DPP6: variants seen among roughly 807,000 people sequenced by gnomAD.
The protein encoded by DPP6 is dipeptidyl peptidase like 6.
A neutral mutation model predicts 122.6 loss-of-function variants in DPP6; 69 were observed. The observed-to-expected ratio is 0.56, with a 90% CI of 0.46 to 0.69. The LOEUF (loss-of-function observed/expected upper bound fraction) is 0.69. DPP6 is among the 30% of genes least tolerant of loss of function. The pLI is 0.00. For synonymous variants in DPP6, 418 were observed against 433.1 expected (o/e 0.97, Z 0.43); for missense variants, 928 against 1,116.9 (o/e 0.83, Z 2.41).
intron 1 of DPP6, among the ~76,000 whole-genome samples, chr7:154,081,633 T>C (rs1804020034): frequency 6.7e-6 from 1 of 148,270 alleles, no homozygotes. Context: ...GTGGGATTCA[T>C]GTGGGTAGGA....
chr7:154,493,476 C>T (rs1162364087), intron 3 of DPP6, among the ~76,000 whole-genome samples: 1 of 150,152 alleles, frequency 6.7e-6, no homozygotes, highest in South Asian at 2.1e-4. Flanking sequence ...GGTGGCCCAT[C>T]GTTTTATTTG....
chr7:154,644,137 AC>A (rs1399762598), intron 6 of DPP6, among the ~76,000 whole-genome samples: 1 of 152,188 alleles, frequency 6.6e-6, no homozygotes, highest in Non-Finnish European at 1.5e-5. Context: ...GAACATAGCA[AC>A]CTTTTGGAGC....
the DPP6 span, among the ~76,000 whole-genome samples, chr7:153,839,772 T>A: frequency 6.6e-6 from 1 of 152,220 alleles, no homozygotes; most frequent in African/African-American, 2.4e-5. Context: ...GAGGACTCAC[T>A]GGAAAACAGC....
chr7:154,526,238 A>C (rs1425363451), intron 3 of DPP6, among the ~76,000 whole-genome samples: 3 of 152,218 alleles, frequency 2.0e-5, no homozygotes. Context: ...TTAAGATAAT[A>C]TCTTTAACAC....
rs549389753 is a variant in DPP6, at chr7:154,663,165, G to A, written c.681-6195G>A. ...CGCAGTCATGGTGAATCACCATGGC[G>A]TATTGGCGGTAGTGTTCATATAGTC... On this transcript the variant is annotated intron_variant, in intron 6 of 25. Coordinates refer to ENST00000377770, the MANE Select transcript of DPP6 (RefSeq NM_130797.4). Among the ~76,000 whole-genome samples, 148 of 74,010 alleles carry A rather than the reference G, an allele frequency of 2.0e-3. 33 individuals are homozygous for A. Among genetic ancestry groups the A allele is most frequent in the African/African-American group, 4.8e-3 (133 of 27,892 alleles). 48.6% of individuals were successfully genotyped at this position (74,010 alleles called of 152,430 possible).
intron 1 of DPP6, among the ~76,000 whole-genome samples, chr7:154,097,192 G>T (rs2907724): frequency 1.3e-5 from 2 of 151,180 alleles, no homozygotes; most frequent in Non-Finnish European, 3.0e-5. Flanking sequence ...CCAGCCAATT[G>T]CATATCCACA....
intron 2 of DPP6, among the ~76,000 whole-genome samples, chr7:154,451,528 G>A (rs1002110962): frequency 1.3e-5 from 2 of 152,168 alleles, no homozygotes; most frequent in African/African-American, 4.8e-5. Flanking sequence ...CGCACAGGGA[G>A]TGGCGGCAGG....
At chr7:154,730,385 C>T (rs1032096406) in intron 8 of DPP6, among the ~76,000 whole-genome samples, 3 of 152,112 alleles carry the variant, frequency 2.0e-5, no homozygotes, top group Non-Finnish European at 2.9e-5. Context: ...TCAACATGCT[C>T]ATGTGTACAT....
At chr7:153,824,501 A>G in the DPP6 span, among the ~76,000 whole-genome samples, 1 of 151,938 alleles carries the variant, frequency 6.6e-6, no homozygotes, top group Admixed American at 6.6e-5. Context: ...AGCATGGCCA[A>G]CGTGAGGAAA....
chr7:154,426,482 TAG>T (rs1817922449), intron 1 of DPP6, among the ~76,000 whole-genome samples: 1 of 152,188 alleles, frequency 6.6e-6, no homozygotes, highest in African/African-American at 2.4e-5. Context: ...AGTTCCGTAG[TAG>T]AGACAGACAC....
chr7:154,275,658 G>C (rs141689796), intron 1 of DPP6, among the ~76,000 whole-genome samples: 106 of 152,308 alleles, frequency 7.0e-4, no homozygotes, highest in African/African-American at 2.3e-3. Context: ...TCTGCACCAG[G>C]ATTGTCCCCT....
At chr7:153,983,320 G>A (rs144792841) in intron 1 of DPP6, among the ~76,000 whole-genome samples, 2 of 152,232 alleles carry the variant, frequency 1.3e-5, no homozygotes, top group Non-Finnish European at 2.9e-5. Flanking sequence ...CCCAGTCTGA[G>A]CTTCCCTGTG....
At chr7:153,989,261 G>A (rs569240757) in intron 1 of DPP6, among the ~76,000 whole-genome samples, 2 of 142,198 alleles carry the variant, frequency 1.4e-5, no homozygotes, top group East Asian at 2.1e-4. Flanking sequence ...GAGTGGGCGA[G>A]TGAGAAAGTG....
chr7:154,459,456 A>G (rs529396711), intron 2 of DPP6, among the ~76,000 whole-genome samples: 1 of 152,330 alleles, frequency 6.6e-6, no homozygotes, highest in African/African-American at 2.4e-5. Flanking sequence ...CAATTCAGGT[A>G]TGAGTATATG....
At chr7:154,279,494 C>G (rs529063018) in intron 1 of DPP6, among the ~76,000 whole-genome samples, 1 of 152,340 alleles carries the variant, frequency 6.6e-6, no homozygotes, top group South Asian at 2.1e-4. Flanking sequence ...GTGTCACTTG[C>G]TGGAACATAG....
At chr7:154,215,005 C>T (rs1285434817) in intron 1 of DPP6, among the ~76,000 whole-genome samples, 1 of 152,100 alleles carries the variant, frequency 6.6e-6, no homozygotes. Flanking sequence ...ATGTTAGCCC[C>T]CCGGTTGCCT....
At chr7:153,898,265 C>CTGGT (rs1237706397) in intron 1 of DPP6, among the ~76,000 whole-genome samples, 1 of 152,022 alleles carries the variant, frequency 6.6e-6, no homozygotes, top group African/African-American at 2.4e-5. Context: ...CCAGCCTGGG[C>CTGGT]CACACAACAA....
rs554206049 is a variant in DPP6 at position 154,364,436 on chromosome 7, G to A, written c.244-81778G>A. Among the ~76,000 whole-genome samples the A allele has an allele frequency of 8.8e-4, 134 of 152,258 alleles. 1 individual carries two copies. Among genetic ancestry groups the A allele is most frequent in the African/African-American group, 3.1e-3 (128 of 41,556 alleles). ...TTCTTGAATTACCCAGTTCATGTAT[G>A]AGAACAAGAGGAATGTGATCTGAAA... On this transcript the variant is annotated intron_variant, in intron 1 of 25. Transcript: ENST00000377770.
intron 9 of DPP6, 105 bp from the exon 10 acceptor site, chr7:154,772,740 T>A (rs1372823411): frequency 2.6e-5 from 38 of 1,457,982 alleles, no homozygotes; most frequent in Non-Finnish European, 3.6e-5. Context: ...AGCTCCAGTG[T>A]CCTGGAGTCC....
Sources: allele counts gnomAD v4.1 joint callset (sites outside exome capture counted in the v4.1 genomes callset), GRCh38; gene constraint gnomAD v4.1.1; transcripts MANE v1.5; gene names NCBI Gene and HGNC (gene_info 2026-07-23, HGNC 2026-07-21).